Variants in FILIP1L observed in about 807,000 individuals in gnomAD.
FILIP1L encodes the protein filamin A-interacting protein 1-like.
Under a neutral mutation model 96.6 loss-of-function variants are expected in FILIP1L, and 55 were observed. The ratio of observed to expected loss-of-function variants is 0.57; its 90% CI spans 0.46 to 0.71. The LOEUF (loss-of-function observed/expected upper bound fraction) is 0.71, where lower values mean the gene tolerates loss of function less well. Among genes scored for constraint, FILIP1L ranks in the 30% least tolerant of loss-of-function variants. The pLI, the probability that FILIP1L is intolerant of heterozygous loss-of-function variation, is 0.00. For synonymous variants in FILIP1L, 467 were observed against 473.9 expected, an observed-to-expected ratio of 0.99 and a Z score of 0.19; for missense variants, 1,304 against 1,321.2, an observed-to-expected ratio of 0.99 and a Z score of 0.20.
chr3:99,853,613 T>C (rs1384983017), intron 4 of FILIP1L, among the ~76,000 whole-genome samples: 1 of 152,246 alleles, frequency 6.6e-6, no homozygotes, highest in Non-Finnish European at 1.5e-5. Context: ...GCCTGGGGCA[T>C]GTTGCGTATT....
Position 99,899,284 on chromosome 3 carries a change from T to C in FILIP1L, c.605+24946A>G, listed in dbSNP as rs569567742. ...CTTGGTTATAATTTTCAAAAGCAGATTTTTGGTTTCCAATACCAAGTTATT... is the reference window on the plus strand; with the variant it reads ...CTTGGTTATAATTTTCAAAAGCAGACTTTTGGTTTCCAATACCAAGTTATT... On this transcript the variant is annotated intron_variant, in intron 4 of 5. Transcript: ENST00000477258. 7.9e-5 allele frequency among the ~76,000 whole-genome samples: 12 copies of C among 152,332 alleles called. No homozygotes were observed. The South Asian group carries it at 2.5e-3, about 32-fold the overall frequency.
At chr3:100,010,965 T>G (rs1299430123) in intron 1 of FILIP1L, among the ~76,000 whole-genome samples, 3 of 151,852 alleles carry the variant, frequency 2.0e-5, no homozygotes, top group African/African-American at 7.3e-5. Flanking sequence ...AGTCTACAAA[T>G]AATTGCCCCT....
rs949172536 is a variant in FILIP1L at position 99,830,571 on chromosome 3, C to T, written c.3416G>A (p.Arg1139Gln). ...KEVCKQRIPA[R>Q]IPKPKSTGIT... The stretch of plus-strand genomic sequence containing the variant: ...GCCTGTAGATTTCGGTTTAGGGATC[C>T]GTGCTGGGATTCTCTGCTTGCATAC... The change falls in exon 6 of 6, where the codon CGG (arginine) becomes CAG (glutamine). Residue 1139 changes from arginine to glutamine, a missense_variant. Transcript: ENST00000477258. 2 of 456,432 alleles carry T rather than the reference C, an allele frequency of 4.4e-6. No individual in the cohort carries two copies. Among genetic ancestry groups the T allele is most frequent in the Admixed American group, 2.4e-5 (1 of 42,550 alleles). The allele number at this position is 456,432 out of a possible 1,614,324, so 28.3% of individuals were successfully genotyped here.
At chr3:100,087,377 T>A (rs890498274) in intron 1 of FILIP1L, among the ~76,000 whole-genome samples, 2 of 152,222 alleles carry the variant, frequency 1.3e-5, no homozygotes, top group African/African-American at 4.8e-5. Context: ...GTCAGTGGGT[T>A]AGTTTGGTTT....
intron 4 of FILIP1L, among the ~76,000 whole-genome samples, chr3:99,882,524 A>G (rs1278958465): frequency 2.6e-5 from 4 of 152,234 alleles, no homozygotes; most frequent in Admixed American, 2.0e-4. Context: ...TCATAAAATC[A>G]TATTTTAGGG....
chr3:99,970,616 A>T (rs920182769), intron 1 of FILIP1L, among the ~76,000 whole-genome samples: 5 of 152,216 alleles, frequency 3.3e-5, no homozygotes, highest in Admixed American at 1.3e-4. Flanking sequence ...ATAGTTCTAG[A>T]CCTTGCATGT....
chr3:100,077,210 C>G (rs1356446037), intron 1 of FILIP1L, among the ~76,000 whole-genome samples: 1 of 152,192 alleles, frequency 6.6e-6, no homozygotes, highest in Non-Finnish European at 1.5e-5. Context: ...CTCGTAGGTT[C>G]CAAGCAAATG....
intron 1 of FILIP1L, among the ~76,000 whole-genome samples, chr3:99,939,963 T>G (rs1266159430): frequency 6.6e-6 from 1 of 152,232 alleles, no homozygotes; most frequent in Non-Finnish European, 1.5e-5. Flanking sequence ...TTTCTTGTTT[T>G]CTACGTGCTG....
intron 1 of FILIP1L, among the ~76,000 whole-genome samples, chr3:100,108,395 C>T (rs1323207046): frequency 2.6e-5 from 4 of 152,142 alleles, no homozygotes; most frequent in Admixed American, 2.6e-4. Context: ...TTATTACTTA[C>T]CAAGGCAGGT....
intron 1 of FILIP1L, among the ~76,000 whole-genome samples, chr3:99,993,761 T>C (rs1216769772): frequency 6.6e-6 from 1 of 152,228 alleles, no homozygotes; most frequent in Non-Finnish European, 1.5e-5. Context: ...ATTCTGTTGA[T>C]GTGACATATC....
chr3:99,875,238 T>A (rs1461031067), intron 4 of FILIP1L, among the ~76,000 whole-genome samples: 3 of 152,234 alleles, frequency 2.0e-5, no homozygotes. Flanking sequence ...AGTGTTCAGT[T>A]ATCATACTGT....
chr3:100,018,671 G>A (rs1710414029), intron 1 of FILIP1L, among the ~76,000 whole-genome samples: 1 of 147,826 alleles, frequency 6.8e-6, no homozygotes, highest in Non-Finnish European at 1.5e-5. Context: ...TGATATCAAA[G>A]CACAGGCAAC....
intron 5 of FILIP1L, among the ~76,000 whole-genome samples, chr3:99,846,359 G>T (rs1576505786): frequency 6.6e-6 from 1 of 152,286 alleles, no homozygotes; most frequent in East Asian, 1.9e-4. Context: ...GTTGATCGAT[G>T]CCTTCCAAAA....
At chr3:100,051,947 T>G (rs1016285502) in intron 1 of FILIP1L, among the ~76,000 whole-genome samples, 1 of 149,202 alleles carries the variant, frequency 6.7e-6, no homozygotes, top group Non-Finnish European at 1.5e-5. Context: ...TGAAGTATAT[T>G]ATATAAAATA....
chr3:100,021,995 T>C (rs1012173482), intron 1 of FILIP1L, among the ~76,000 whole-genome samples: 1 of 121,144 alleles, frequency 8.3e-6, no homozygotes, highest in African/African-American at 3.2e-5. Context: ...GAGAGAGAGA[T>C]ATGAGGGGGG....
intron 1 of FILIP1L, among the ~76,000 whole-genome samples, chr3:100,094,993 C>T (rs2066179713): frequency 6.6e-6 from 1 of 152,042 alleles, no homozygotes; most frequent in African/African-American, 2.4e-5. Flanking sequence ...TGGCCAAAAG[C>T]TGTCTTTTGT....
chr3:99,975,979 G>C (rs1379261360), intron 1 of FILIP1L, among the ~76,000 whole-genome samples: 1 of 152,144 alleles, frequency 6.6e-6, no homozygotes, highest in African/African-American at 2.4e-5. Flanking sequence ...CCGCCTCCTG[G>C]GTTCAAGCGA....
At chr3:99,895,314 A>C (rs560204410) in intron 4 of FILIP1L, among the ~76,000 whole-genome samples, 3 of 152,226 alleles carry the variant, frequency 2.0e-5, no homozygotes, top group African/African-American at 7.2e-5. Flanking sequence ...TTAAAGAATG[A>C]ATCATAATCC....
intron 1 of FILIP1L, among the ~76,000 whole-genome samples, chr3:100,068,291 A>G (rs2065700439): frequency 6.6e-6 from 1 of 152,160 alleles, no homozygotes; most frequent in African/African-American, 2.4e-5. Context: ...CAATTTTGCC[A>G]TGTTATTATA....
Sources: allele counts gnomAD v4.1 joint callset (sites outside exome capture counted in the v4.1 genomes callset), GRCh38; gene constraint gnomAD v4.1.1; transcripts MANE v1.5; gene names NCBI Gene and HGNC (gene_info 2026-07-23, HGNC 2026-07-21).